Variants in ANPEP observed in about 807,000 individuals in gnomAD.
ANPEP encodes alanyl aminopeptidase, membrane.
Under a neutral mutation model 114.6 loss-of-function variants are expected in ANPEP, and 70 were observed. The observed-to-expected ratio is 0.61, with a 90% CI of 0.50 to 0.75. The LOEUF (loss-of-function observed/expected upper bound fraction) is 0.75. ANPEP is among the 30% of genes least tolerant of loss of function. The pLI is 0.00. For missense variants in ANPEP, 1,184 were observed against 1,259.5 expected (o/e 0.94, Z 0.91); for synonymous variants, 548 against 522.3 (o/e 1.05, Z -0.67).
At chr15:89,807,906 C>G (rs999664815) in intron 1 of ANPEP, among the ~76,000 whole-genome samples, 3 of 152,124 alleles carry the variant, frequency 2.0e-5, no homozygotes, top group African/African-American at 7.2e-5. Flanking sequence ...TCCAATTCAC[C>G]CACATTCCCC....
In ANPEP at chr15:89,799,694, G is replaced by C; in HGVS notation, c.1820-135C>G. The stretch of plus-strand genomic sequence containing the variant: ...GCTGCTGGGGAGACGCTAAGGGTGG[G>C]GAAGGAAGGGATGAGGAACTGGGCT... On this transcript the variant is annotated intron_variant, in intron 12 of 20. Transcript: ENST00000300060. The surrounding 1 kb of genome is among the most constrained non-coding windows in gnomAD (Gnocchi z 4.2). 1 of 1,304,886 alleles carries C rather than the reference G, an allele frequency of 7.7e-7. No homozygotes were observed. Among genetic ancestry groups the C allele is most frequent in the East Asian group, 2.3e-5 (1 of 43,040 alleles). The allele number at this position is 1,304,886 out of a possible 1,614,324, so 80.8% of individuals were successfully genotyped here.
At position 89,803,497 on chromosome 15, in the gene ANPEP, A is replaced by G; in HGVS notation, c.1448T>C (p.Val483Ala). The G allele has an allele frequency of 1.2e-6, 2 of 1,607,510 alleles. No homozygotes were observed. The highest frequency in any genetic ancestry group is 1.7e-6 in the Non-Finnish European group (2 of 1,178,198). Reference protein sequence around the residue: ...DAISYSKGASVLRMLSSFLSE... With the variant: ...DAISYSKGASALRMLSSFLSE... ...CAGGAAGCTGGAGAGCATCCTGAGGACTGAGGCGCCCTGGGGTGGGGGTGA... is the reference window on the plus strand; with the variant it reads ...CAGGAAGCTGGAGAGCATCCTGAGGGCTGAGGCGCCCTGGGGTGGGGGTGA... The change falls in exon 9 of 21, where the codon GTC becomes GCC. Residue 483 changes from valine to alanine, a missense_variant. Coordinates refer to ENST00000300060, the MANE Select transcript of ANPEP (RefSeq NM_001150.3). This position sits in a 1 kb window ranked among gnomAD's most constrained non-coding sequence, Gnocchi z 4.2.
chr15:89,805,031 A>C (rs764914956), intron 4 of ANPEP, 47 bp downstream of exon 4: 1 of 1,611,722 alleles, frequency 6.2e-7, no homozygotes, highest in Non-Finnish European at 8.5e-7. Flanking sequence ...AAGACCCCTC[A>C]AGCCGGGGCC....
chr15:89,794,893 TTTGAGGGTCCCCAGTGAAG>T (rs1243519621), intron 15 of ANPEP, among the ~76,000 whole-genome samples: 1 of 152,160 alleles, frequency 6.6e-6, no homozygotes, highest in East Asian at 1.9e-4. Context: ...TGGACTAATT[TTTGAGGGTCCCCAGTGAAG>T]AGTTACTTGG....
intron 18 of ANPEP, among the ~76,000 whole-genome samples, chr15:89,791,909 AGTT>A (rs1186810542): frequency 2.0e-5 from 3 of 152,112 alleles, no homozygotes; most frequent in Non-Finnish European, 4.4e-5. Flanking sequence ...AGGGAAGACG[AGTT>A]GTTGTCAGGT....
chr15:89,806,393 G>A lies in ANPEP; in HGVS notation c.191C>T (p.Thr64Ile), dbSNP rs1596170458. 3 of 1,614,138 alleles carry A rather than the reference G, an allele frequency of 1.9e-6. No homozygotes were observed. Among genetic ancestry groups the A allele is most frequent in the Non-Finnish European group, 2.5e-6 (3 of 1,180,006 alleles). ...ATTCCACGCTTTACTTTGGTCCAAG[G>A]TGGTGGCCGAGGCGGGGTTGGTGGT... ...SATTNPASAT[T>I]LDQSKAWNRY... is the part of the protein sequence containing the mutation. The change falls in exon 2 of 21, where the codon ACC (threonine) becomes ATC (isoleucine). Residue 64 changes from threonine (T) to isoleucine (I), a missense_variant. Physicochemically the swap from Thr to Ile is moderately conservative, Grantham distance 89. Transcript: ENST00000300060. This position sits in a 1 kb window ranked among gnomAD's most constrained non-coding sequence, Gnocchi z 5.7.
chr15:89,790,216 CG>C (rs1164868410), intron 20 of ANPEP, among the ~76,000 whole-genome samples: 1 of 152,136 alleles, frequency 6.6e-6, no homozygotes, highest in African/African-American at 2.4e-5. Context: ...ACCTGGGTAA[CG>C]GGTACATGGA....
Position 89,801,350 on chromosome 15 carries a change from C to G in ANPEP, c.1742+85G>C. ...TCTACAGTGGCTGGGGCTGGGACCACAGGAGGCCAGTCCTACTATGGTCCC... is the reference window on the plus strand; with the variant it reads ...TCTACAGTGGCTGGGGCTGGGACCAGAGGAGGCCAGTCCTACTATGGTCCC... On this transcript the variant is annotated intron_variant, in intron 11 of 20. Coordinates refer to ENST00000300060, the MANE Select transcript of ANPEP (RefSeq NM_001150.3). The G allele has an allele frequency of 1.9e-6, 3 of 1,564,330 alleles. No individual in the cohort carries two copies. The South Asian group carries it at 3.5e-5, about 18-fold the overall frequency.
In ANPEP at chr15:89,813,996, G is replaced by GGGGGGT. The variant is rs1555442959; in HGVS notation, c.-224+775_-224+776insACCCCC. On this transcript the variant is annotated intron_variant, in intron 1 of 20. Transcript: ENST00000300060. ...GTCCCTGCCCACCGCACTGCTGGGG[G>GGGGGGT]GGGGGGGTGCGTTCTGGAGTCATTT... Among the ~76,000 whole-genome samples, 78 of 145,176 alleles carry GGGGGGT rather than the reference G, an allele frequency of 5.4e-4. 5 individuals are homozygous for GGGGGGT. The highest frequency in any genetic ancestry group is 2.4e-3 in the South Asian group (11 of 4,568).
rs1968483295 is a variant in ANPEP, at chr15:89,785,211, A to C, written c.*138T>G. 4.3e-6 allele frequency: 5 copies of C among 1,162,600 alleles called. No individual in the cohort carries two copies. The Admixed American group carries it at 1.2e-4, about 27-fold the overall frequency. 72.0% of individuals were successfully genotyped at this position (1,162,600 alleles called of 1,614,324 possible). ...ACTAGACTGGCTCACAGGCAGAGAG[A>C]ACGTGGGCTGGAGACTTTGTCCTTG... On this transcript the variant is annotated 3_prime_UTR_variant, in exon 21 of 21. Coordinates refer to ENST00000300060, the MANE Select transcript of ANPEP (RefSeq NM_001150.3).
rs770290259 is a variant in ANPEP, at chr15:89,803,880, C to T, written c.1293+9G>A. 15 of 1,614,036 alleles carry T rather than the reference C, an allele frequency of 9.3e-6. No individual in the cohort carries two copies. In the Admixed American group the frequency reaches 1.0e-4, roughly 11 times the overall value. ...CCCCCCGCACCAGACCCCTGGGCAG[C>T]TGGCTTACCAAGTTCCAGGTGGGCT... is the stretch of plus-strand genomic sequence containing the variant. On this transcript the variant is annotated intron_variant, in intron 7 of 20. Coordinates refer to ENST00000300060, the MANE Select transcript of ANPEP (RefSeq NM_001150.3). This position sits in a 1 kb window ranked among gnomAD's most constrained non-coding sequence, Gnocchi z 4.2.
chr15:89,791,063 T>A lies in ANPEP; in HGVS notation c.2559A>T (p.Leu853Phe). ...TAGAGGTGGCGTCCTGCTTCCGGATTAAGTCCGGGTTCAGGGTGTAGCTCA... is the reference window on the plus strand; with the variant it reads ...TAGAGGTGGCGTCCTGCTTCCGGATAAAGTCCGGGTTCAGGGTGTAGCTCA... The part of the protein sequence containing the change: ...RYLSYTLNPD[L>F]IRKQDATSTI... The change falls in exon 19 of 21, where the codon TTA becomes TTT. Residue 853 changes from leucine to phenylalanine, a missense_variant. Leu to Phe is a conservative substitution (Grantham distance 22). Coordinates refer to ENST00000300060, the MANE Select transcript of ANPEP (RefSeq NM_001150.3). 6.2e-7 allele frequency: 1 copy of A among 1,614,212 alleles called. No individual in the cohort carries two copies. The highest frequency in any genetic ancestry group is 8.5e-7 in the Non-Finnish European group (1 of 1,180,026).
In ANPEP at chr15:89,785,477, C is replaced by G. The variant is rs1567152296; in HGVS notation, c.2776G>C (p.Glu926Gln). The G allele has an allele frequency of 6.2e-7, 1 of 1,614,044 alleles. No individual in the cohort carries two copies. Among genetic ancestry groups the G allele is most frequent in the Non-Finnish European group, 8.5e-7 (1 of 1,179,898 alleles). The change falls in exon 21 of 21, where the codon GAG (glutamate) becomes CAG (glutamine). Residue 926 changes from glutamate (E) to glutamine (Q), a missense_variant. Physicochemically the swap from Glu to Gln is conservative, Grantham distance 29. Transcript: ENST00000300060. ...GTGCCTGAGCCGAAGCCTGTTTCCTCGTTGTCCTTCTTGAACTGCTCCAGC... is the reference window on the plus strand; with the variant it reads ...GTGCCTGAGCCGAAGCCTGTTTCCTGGTTGTCCTTCTTGAACTGCTCCAGC... ...QQLEQFKKDN[E>Q]ETGFGSGTRA...
rs774559089 is a variant in ANPEP, at chr15:89,806,360, C to T, written c.224G>A (p.Arg75His). The T allele has an allele frequency of 6.8e-6, 11 of 1,613,972 alleles. No individual in the cohort carries two copies. Among genetic ancestry groups the T allele is most frequent in the Non-Finnish European group, 8.5e-6 (10 of 1,179,982 alleles). Reference protein sequence around the residue: ...LDQSKAWNRYRLPNTLKPDSY... With the variant: ...LDQSKAWNRYHLPNTLKPDSY... ...ATCGGGTTTCAGCGTGTTGGGGAGG[C>T]GGTAACGATTCCACGCTTTACTTTG... Residue 75 changes from arginine (R) to histidine (H), a missense_variant, in exon 2 of 21, where the codon CGC becomes CAC. Physicochemically the swap from Arg to His is conservative, Grantham distance 29. Coordinates refer to ENST00000300060, the MANE Select transcript of ANPEP (RefSeq NM_001150.3). The surrounding 1 kb of genome is among the most constrained non-coding windows in gnomAD (Gnocchi z 5.7).
intron 20 of ANPEP, among the ~76,000 whole-genome samples, chr15:89,788,599 T>G (rs1968548149): frequency 6.6e-6 from 1 of 152,018 alleles, no homozygotes; most frequent in Non-Finnish European, 1.5e-5. Context: ...TTGTTTGGTT[T>G]GGTTTGGTTT....
In ANPEP at chr15:89,792,264, C is replaced by G; in HGVS notation, c.2424G>C (p.Glu808Asp). The G allele has an allele frequency of 6.2e-7, 1 of 1,614,244 alleles. No individual in the cohort carries two copies. The highest frequency in any genetic ancestry group is 8.5e-7 in the Non-Finnish European group (1 of 1,180,030). ...GGAACTGCTCCCAGGCGAAGTCCCA[C>G]TCCTCCTCCCCGCCCTGGGCGATAG... ...CNAIAQGGEE[E>D]WDFAWEQFRN... Residue 808 changes from glutamate to aspartate, a missense_variant, in exon 18 of 21, where the codon GAG becomes GAC. Physicochemically the swap from Glu to Asp is conservative, Grantham distance 45. Coordinates refer to ENST00000300060, the MANE Select transcript of ANPEP (RefSeq NM_001150.3).
chr15:89,785,247 A>C lies in ANPEP; in HGVS notation c.*102T>G. The C allele has an allele frequency of 1.4e-6, 2 of 1,458,370 alleles. No homozygotes were observed. Among genetic ancestry groups the C allele is most frequent in the Non-Finnish European group, 1.9e-6 (2 of 1,057,694 alleles). 90.3% of individuals were successfully genotyped at this position (1,458,370 alleles called of 1,614,324 possible). A position where few individuals can be genotyped will look rare whatever the true frequency, so the allele number is the denominator to read the frequency against. On this transcript the variant is annotated 3_prime_UTR_variant, in exon 21 of 21. Transcript: ENST00000300060. ...GAGACTTTGTCCTTGAGGGGAGGAC[A>C]CTGGTGCCTCGGGCTCCAGGAATGG...
intron 20 of ANPEP, among the ~76,000 whole-genome samples, chr15:89,786,692 CAA>C (rs113402047): frequency 4.2e-5 from 5 of 119,146 alleles, no homozygotes; most frequent in Admixed American, 1.7e-4. Flanking sequence ...GACCCTTTCT[CAA>C]AAAAAAAAAA....
chr15:89,801,559 T>C lies in ANPEP; in HGVS notation c.1618A>G (p.Met540Val), dbSNP rs1168367754. 1.2e-6 allele frequency: 2 copies of C among 1,614,080 alleles called. No homozygotes were observed. The highest frequency in any genetic ancestry group is 1.1e-5 in the South Asian group (1 of 91,076). ...CCCATCTGCAGGGTCCAGCGGTTCA[T>C]GATGTCCCGCACGGTGGTGGGGAGT... ...IQLPTTVRDI[M>V]NRWTLQMGFP... Residue 540 changes from methionine to valine, a missense_variant, in exon 11 of 21, where the codon ATG becomes GTG. Physicochemically the swap from Met to Val is conservative, Grantham distance 21. Transcript: ENST00000300060.
Sources: allele counts gnomAD v4.1 joint callset (sites outside exome capture counted in the v4.1 genomes callset), GRCh38; gene constraint gnomAD v4.1.1; non-coding constraint Gnocchi (gnomAD v3.1); transcripts MANE v1.5; gene names NCBI Gene and HGNC (gene_info 2026-07-23, HGNC 2026-07-21).